The following DPH6 variants were observed in gnomAD, a reference collection of about 807,000 sequenced individuals.
DPH6 encodes the protein diphthine--ammonia ligase.
DPH6 carries 33 observed loss-of-function variants against 38.2 expected under a neutral mutation model. The observed-to-expected ratio is 0.86, with a 90% CI of 0.65 to 1.15. The LOEUF is 1.15. DPH6 is among the 50% of genes most tolerant of loss of function. The pLI, the probability that DPH6 is intolerant of heterozygous loss-of-function variation, is 0.00. For missense variants in DPH6, 325 were observed against 320.0 expected, an observed-to-expected ratio of 1.02 and a Z score of -0.12; for synonymous variants, 108 against 103.0, an observed-to-expected ratio of 1.05 and a Z score of -0.30.
chr15:35,275,016 G>A (rs1279402479), intron 3 of DPH6, among the ~76,000 whole-genome samples: 3 of 151,972 alleles, frequency 2.0e-5, no homozygotes, highest in South Asian at 2.1e-4. Flanking sequence ...CCGGGTTCAC[G>A]CCATTCTCCT....
intron 3 of DPH6, among the ~76,000 whole-genome samples, chr15:35,363,792 TTA>T (rs1017101754): frequency 7.9e-5 from 12 of 152,054 alleles, no homozygotes; most frequent in African/African-American, 2.9e-4. Flanking sequence ...TTATACTCAT[TTA>T]TATTATTTTA....
intron 3 of DPH6, among the ~76,000 whole-genome samples, chr15:35,290,270 T>C (rs1405161489): frequency 6.6e-6 from 1 of 152,240 alleles, no homozygotes; most frequent in East Asian, 1.9e-4. Flanking sequence ...GATCTTTAGC[T>C]TTCTACTTTA....
chr15:35,373,025 A>G (rs1378203087), intron 8 of DPH6, among the ~76,000 whole-genome samples: 1 of 151,936 alleles, frequency 6.6e-6, no homozygotes, highest in Non-Finnish European at 1.5e-5. Flanking sequence ...CTGTATCTTG[A>G]CAGTGTATTT....
At chr15:35,292,814 C>T (rs943899227) in intron 3 of DPH6, among the ~76,000 whole-genome samples, 1 of 151,972 alleles carries the variant, frequency 6.6e-6, no homozygotes. Flanking sequence ...AAACTCAGTT[C>T]AGTTTCTCAC....
At chr15:35,538,196 A>T in intron 3 of DPH6, 78 bp downstream of exon 3, 1 of 1,259,602 alleles carries the variant, frequency 7.9e-7, no homozygotes, top group Non-Finnish European at 1.0e-6. Flanking sequence ...CAAATTACGG[A>T]TTACTAAATA....
intron 6 of DPH6, chr15:35,396,420 T>G (rs1171709230): frequency 6.6e-6 from 1 of 151,074 alleles, no homozygotes; most frequent in African/African-American, 2.4e-5. Context: ...CCTTCAATAC[T>G]CAAAATATAT....
At chr15:35,463,779 T>C (rs2054093521) in intron 3 of DPH6, among the ~76,000 whole-genome samples, 1 of 152,086 alleles carries the variant, frequency 6.6e-6, no homozygotes, top group Non-Finnish European at 1.5e-5. Context: ...ATTAAAAATA[T>C]ACCTATGGAT....
At chr15:35,406,305 C>T (rs924247507) in intron 6 of DPH6, among the ~76,000 whole-genome samples, 1 of 151,988 alleles carries the variant, frequency 6.6e-6, no homozygotes, top group African/African-American at 2.4e-5. Context: ...GGGAGTATTC[C>T]ATTGACTACC....
At chr15:35,518,215 C>T (rs904027454) in intron 3 of DPH6, among the ~76,000 whole-genome samples, 5 of 152,100 alleles carry the variant, frequency 3.3e-5, no homozygotes, top group Admixed American at 2.0e-4. Flanking sequence ...TGTACACACA[C>T]GTACATAAAC....
intron 3 of DPH6, among the ~76,000 whole-genome samples, chr15:35,476,172 A>G (rs1166386829): frequency 1.3e-5 from 2 of 151,912 alleles, no homozygotes; most frequent in African/African-American, 4.8e-5. Flanking sequence ...TAAAAAATGC[A>G]TCTTACTAGG....
intron 3 of DPH6, among the ~76,000 whole-genome samples, chr15:35,323,257 T>TA (rs1200706703): frequency 3.9e-5 from 6 of 152,198 alleles, no homozygotes; most frequent in Non-Finnish European, 8.8e-5. Context: ...ACATGTCACT[T>TA]TTCTATGAAT....
At chr15:35,157,733 C>T in the DPH6 span, among the ~76,000 whole-genome samples, 1 of 152,058 alleles carries the variant, frequency 6.6e-6, no homozygotes, top group Non-Finnish European at 1.5e-5. Flanking sequence ...TTATGAATAT[C>T]AAATTGACCC....
At chr15:35,520,217 C>T in intron 3 of DPH6, 3 of 591,806 alleles carry the variant, frequency 5.1e-6, no homozygotes, top group Non-Finnish European at 5.7e-6. Context: ...AGTAAACATG[C>T]TACAAAAAAA....
At chr15:35,537,774 G>A (rs1247237701) in intron 3 of DPH6, among the ~76,000 whole-genome samples, 6 of 152,034 alleles carry the variant, frequency 3.9e-5, no homozygotes, top group Non-Finnish European at 8.8e-5. Flanking sequence ...GCCATCATGT[G>A]CAATCTGATT....
At chr15:35,355,165 G>A (rs2052548945) in intron 3 of DPH6, among the ~76,000 whole-genome samples, 1 of 151,860 alleles carries the variant, frequency 6.6e-6, no homozygotes, top group Non-Finnish European at 1.5e-5. Context: ...CGTTTACTTT[G>A]AGCCTATGTG....
chr15:35,241,009 G>A (rs1214087088), intron 3 of DPH6, among the ~76,000 whole-genome samples: 1 of 143,180 alleles, frequency 7.0e-6, no homozygotes, highest in African/African-American at 2.5e-5. Context: ...GCGGCCAGGT[G>A]TTCCTCCAGA....
At chr15:35,342,689 T>C (rs548250195) in intron 3 of DPH6, among the ~76,000 whole-genome samples, 1 of 152,188 alleles carries the variant, frequency 6.6e-6, no homozygotes, top group African/African-American at 2.4e-5. Context: ...TGTTATTAGA[T>C]GGGTTTTCAT....
rs182432804 is a variant in DPH6, at chr15:35,325,467, C to T, written n.200+48054G>A. 1.6e-3 allele frequency among the ~76,000 whole-genome samples: 244 copies of T among 152,168 alleles called. 1 individual carries two copies. The highest frequency in any genetic ancestry group is 5.9e-4 in the Non-Finnish European group (40 of 67,988). On this transcript the variant is annotated intron_variant and non_coding_transcript_variant, in intron 3 of 3. Transcript: ENST00000560386. ...TATGAGAAAGGTAACACTGCAGAAC[C>T]CGGGAGAAAGAATTATCCTTTACAT...
intron 5 of DPH6, among the ~76,000 whole-genome samples, chr15:35,437,584 A>G (rs145947986): frequency 5.7e-4 from 87 of 152,302 alleles, no homozygotes; most frequent in African/African-American, 1.9e-3. Context: ...TATTTTCTGT[A>G]AAGTTTTAAT....
Sources: gnomAD v4.1 joint callset for allele counts (sites outside exome capture counted in the v4.1 genomes callset) on GRCh38, gnomAD v4.1.1 for gene constraint, MANE v1.5 for transcripts, NCBI Gene and HGNC (gene_info 2026-07-23, HGNC 2026-07-21) for gene names.